GDAP1: variants seen among roughly 807,000 people sequenced by gnomAD.
The protein encoded by GDAP1 is ganglioside-induced differentiation-associated protein 1.
In GDAP1, 34 loss-of-function variants were observed where a neutral mutation model predicts 40.1. The observed-to-expected ratio is 0.85, with a 90% CI of 0.64 to 1.13. The LOEUF is 1.13. Among genes scored for constraint, GDAP1 ranks in the 50% most tolerant of loss-of-function variants. The pLI is 0.00. For synonymous variants in GDAP1, 170 were observed against 157.4 expected, an observed-to-expected ratio of 1.08 and a Z score of -0.60; for missense variants, 374 against 433.7, an observed-to-expected ratio of 0.86 and a Z score of 1.22.
intron 2 of GDAP1, among the ~76,000 whole-genome samples, chr8:74,359,192 G>T (rs1809237367): frequency 6.6e-6 from 1 of 152,208 alleles, no homozygotes; most frequent in South Asian, 2.1e-4. Context: ...CCTCTAATTA[G>T]CTGTGGGATC....
intron 2 of GDAP1, among the ~76,000 whole-genome samples, chr8:74,437,564 C>T (rs1806107844): frequency 6.6e-6 from 1 of 152,110 alleles, no homozygotes; most frequent in African/African-American, 2.4e-5. Context: ...ATTCACATCT[C>T]TCTTTCCCAT....
chr8:74,425,498 G>C lies in GDAP1; in HGVS notation c.166-63180G>C, dbSNP rs540625130. Among the ~76,000 whole-genome samples, 3 of 152,250 alleles carry C rather than the reference G, an allele frequency of 2.0e-5. No individual in the cohort carries two copies. In the East Asian group the frequency reaches 5.8e-4, roughly 29 times the overall value. On this transcript the variant is annotated intron_variant, in intron 2 of 2. Transcript: ENST00000523640. The stretch of plus-strand genomic sequence containing the variant: ...GACAAAGTGGAAGGAGACAGAAAGT[G>C]GTACTTGATGGATGGCAGGAATAAA...
chr8:74,382,123 A>G (rs906969644), intron 2 of GDAP1, among the ~76,000 whole-genome samples: 15 of 152,116 alleles, frequency 9.9e-5, no homozygotes, highest in African/African-American at 2.7e-4. Context: ...CACATATTTC[A>G]ATCTGTTGCC....
chr8:74,430,730 A>G (rs1255012904), intron 2 of GDAP1, among the ~76,000 whole-genome samples: 1 of 151,760 alleles, frequency 6.6e-6, no homozygotes, highest in East Asian at 1.9e-4. Flanking sequence ...TAAAAAAGCA[A>G]TTTTTACAAA....
chr8:74,364,590 TAAGAG>T lies in GDAP1; in HGVS notation c.*227_*231del, dbSNP rs1171838498. On this transcript the variant is annotated 3_prime_UTR_variant, in exon 6 of 6. Coordinates refer to ENST00000220822, the MANE Select transcript of GDAP1 (RefSeq NM_018972.4). ...AGGCAGAAATAGGAAGGCAAAGAGA[TAAGAG>T]AAGGAAAAATGAGAGAATGAAGTCT... The T allele has an allele frequency of 7.5e-6, 5 of 667,848 alleles. No homozygotes were observed. Among genetic ancestry groups the T allele is most frequent in the Admixed American group, 2.0e-5 (1 of 48,924 alleles). 41.4% of individuals were successfully genotyped at this position (667,848 alleles called of 1,614,324 possible).
chr8:74,486,483 C>T (rs748011557), intron 2 of GDAP1, among the ~76,000 whole-genome samples: 3 of 152,122 alleles, frequency 2.0e-5, no homozygotes, highest in East Asian at 1.9e-4. Flanking sequence ...ATGCACTTCA[C>T]GAATAAATTA....
chr8:74,448,712 A>T (rs1466446346), intron 2 of GDAP1, among the ~76,000 whole-genome samples: 1 of 151,930 alleles, frequency 6.6e-6, no homozygotes, highest in Non-Finnish European at 1.5e-5. Context: ...TCATGTGCTT[A>T]TTGGCCTTTT....
At chr8:74,440,470 G>T (rs1051921173) in intron 2 of GDAP1, among the ~76,000 whole-genome samples, 23 of 151,996 alleles carry the variant, frequency 1.5e-4, no homozygotes, top group Admixed American at 1.4e-3. Context: ...TTGCACTAAG[G>T]ATATCAGTCC....
intron 2 of GDAP1, among the ~76,000 whole-genome samples, chr8:74,382,800 C>T (rs1043886806): frequency 6.6e-6 from 1 of 151,742 alleles, no homozygotes; most frequent in Non-Finnish European, 1.5e-5. Context: ...GAGTATGTAT[C>T]AGCTTGGAAT....
chr8:74,428,598 C>G (rs1159852081), intron 2 of GDAP1, among the ~76,000 whole-genome samples: 2 of 137,616 alleles, frequency 1.5e-5, no homozygotes, highest in Admixed American at 1.5e-4. Flanking sequence ...TCCTGAGTAG[C>G]TGGGACTACG....
At chr8:74,373,283 A>G (rs1463232474) in intron 2 of GDAP1, among the ~76,000 whole-genome samples, 10 of 152,118 alleles carry the variant, frequency 6.6e-5, no homozygotes, top group Non-Finnish European at 5.9e-5. Context: ...GTTTTTTCCA[A>G]TTCTGTGAAG....
chr8:74,472,801 G>C (rs1806576107), intron 2 of GDAP1, among the ~76,000 whole-genome samples: 1 of 151,610 alleles, frequency 6.6e-6, no homozygotes, highest in Admixed American at 6.6e-5. Context: ...CCAGGCTGCA[G>C]GGCAGTGTTG....
At chr8:74,464,129 A>G (rs981992804) in intron 2 of GDAP1, among the ~76,000 whole-genome samples, 3 of 152,222 alleles carry the variant, frequency 2.0e-5, no homozygotes, top group Non-Finnish European at 2.9e-5. Context: ...AGAAGGAAAG[A>G]GAAAAGACAT....
chr8:74,431,822 G>A (rs1013433071), intron 2 of GDAP1, among the ~76,000 whole-genome samples: 1 of 152,138 alleles, frequency 6.6e-6, no homozygotes, highest in Admixed American at 6.6e-5. Context: ...AAGCGTGCTA[G>A]TTCTAGAGTT....
At chr8:74,456,111 A>G (rs1224470425) in intron 2 of GDAP1, among the ~76,000 whole-genome samples, 2 of 151,934 alleles carry the variant, frequency 1.3e-5, no homozygotes, top group Admixed American at 1.3e-4. Context: ...ACTATACCTC[A>G]GTGACAATTT....
chr8:74,439,006 A>T (rs1413938681), intron 2 of GDAP1, among the ~76,000 whole-genome samples: 1 of 150,592 alleles, frequency 6.6e-6, no homozygotes, highest in Non-Finnish European at 1.5e-5. Context: ...TGATTATGAC[A>T]TACGTGTGTG....
intron 2 of GDAP1, among the ~76,000 whole-genome samples, chr8:74,351,940 T>C (rs1017446409): frequency 3.9e-5 from 6 of 152,238 alleles, no homozygotes; most frequent in African/African-American, 7.2e-5. Flanking sequence ...GAATTTTATA[T>C]CTTTACTAAG....
chr8:74,444,645 A>C (rs1806206880), intron 2 of GDAP1, among the ~76,000 whole-genome samples: 1 of 152,180 alleles, frequency 6.6e-6, no homozygotes, highest in Admixed American at 6.5e-5. Flanking sequence ...AGTCAGCCAA[A>C]ATTGAAGGGA....
chr8:74,351,221 T>C, intron 1 of GDAP1, 53 bp from the exon 2 acceptor site: 3 of 1,439,144 alleles, frequency 2.1e-6, no homozygotes, highest in Non-Finnish European at 2.9e-6. Context: ...TCCAGGGAAG[T>C]CATTTAATTG....
Sources: gnomAD v4.1 joint callset for allele counts (sites outside exome capture counted in the v4.1 genomes callset) on GRCh38, gnomAD v4.1.1 for gene constraint, MANE v1.5 for transcripts, NCBI Gene and HGNC (gene_info 2026-07-23, HGNC 2026-07-21) for gene names.